STXBP5L: variants seen among roughly 807,000 people sequenced by gnomAD.
STXBP5L encodes the protein syntaxin binding protein 5L, also known as syntaxin-binding protein 5-like.
A neutral mutation model predicts 144.5 loss-of-function variants in STXBP5L; 65 were observed. The observed-to-expected ratio is 0.45, with a 90% confidence interval of 0.37 to 0.55. The LOEUF (loss-of-function observed/expected upper bound fraction) is 0.55. STXBP5L is among the 20% of genes least tolerant of loss of function. The pLI is 0.00. For synonymous variants in STXBP5L, 505 were observed against 469.6 expected (o/e 1.08, Z -0.97); for missense variants, 1,298 against 1,405.5 (o/e 0.92, Z 1.22).
chr3:120,980,156 G>T (rs1000740587), intron 3 of STXBP5L, among the ~76,000 whole-genome samples: 3 of 152,130 alleles, frequency 2.0e-5, no homozygotes, highest in African/African-American at 7.2e-5. Flanking sequence ...TATTTTGGGG[G>T]ATGTTTCATG....
chr3:121,051,175 A>G (rs1947956796), intron 5 of STXBP5L, among the ~76,000 whole-genome samples: 1 of 152,160 alleles, frequency 6.6e-6, no homozygotes, highest in African/African-American at 2.4e-5. Flanking sequence ...AGACAGATCA[A>G]CGAGACAGAA....
At chr3:121,204,685 A>G (rs1431771804) in intron 9 of STXBP5L, among the ~76,000 whole-genome samples, 1 of 152,214 alleles carries the variant, frequency 6.6e-6, no homozygotes, top group African/African-American at 2.4e-5. Flanking sequence ...TATGTAATAG[A>G]TAAACAACTG....
In STXBP5L at chr3:121,413,172, G is replaced by A. The variant is rs368291652; in HGVS notation, c.2963G>A (p.Arg988His). The change falls in exon 24 of 27, where the codon CGC becomes CAC. Residue 988 changes from arginine (R) to histidine (H), a missense_variant. By Grantham distance (29) the Arg-to-His change is conservative. Coordinates refer to ENST00000471454, the MANE Select transcript of STXBP5L (RefSeq NM_001308330.2). ...HIMIMSLPSL[R>H]PMLDVNYLPL... is the part of the protein sequence containing the mutation. ...TTTCCATTCAGCCTACCTAGTCTTC[G>A]CCCAATGTTGGATGTTAATTATTTG... is the stretch of plus-strand genomic sequence containing the variant. 5.6e-6 allele frequency: 9 copies of A among 1,594,988 alleles called. No individual in the cohort carries two copies. Among genetic ancestry groups the A allele is most frequent in the South Asian group, 4.6e-5 (4 of 86,980 alleles).
chr3:120,952,938 A>G (rs1711363562), intron 2 of STXBP5L, among the ~76,000 whole-genome samples: 3 of 151,910 alleles, frequency 2.0e-5, no homozygotes, highest in Admixed American at 1.3e-4. Context: ...ATCTGAGACT[A>G]TAGGCATGCA....
chr3:120,972,536 C>G (rs753569699), intron 3 of STXBP5L, among the ~76,000 whole-genome samples: 1 of 152,004 alleles, frequency 6.6e-6, no homozygotes, highest in Non-Finnish European at 1.5e-5. Flanking sequence ...TTGACTTTCT[C>G]TTTTCCAGTT....
chr3:121,280,016 A>G, intron 19 of STXBP5L, 60 bp downstream of exon 19: 1 of 1,559,884 alleles, frequency 6.4e-7, no homozygotes, highest in South Asian at 1.2e-5. Context: ...TCTTATTTTT[A>G]GATTTCTTGT....
At chr3:121,390,082 C>G (rs2046538240) in intron 22 of STXBP5L, among the ~76,000 whole-genome samples, 1 of 152,154 alleles carries the variant, frequency 6.6e-6, no homozygotes, top group Non-Finnish European at 1.5e-5. Flanking sequence ...ATATTGGGTT[C>G]ATATATATTT....
intron 3 of STXBP5L, among the ~76,000 whole-genome samples, chr3:120,979,345 C>T (rs1576554902): frequency 6.6e-6 from 1 of 152,340 alleles, no homozygotes. Flanking sequence ...ATAGGACCCT[C>T]CGAGCCAGGT....
intron 20 of STXBP5L, among the ~76,000 whole-genome samples, chr3:121,321,879 G>T (rs565948842): frequency 6.6e-6 from 1 of 152,034 alleles, no homozygotes; most frequent in East Asian, 1.9e-4. Context: ...AGATTCAGGG[G>T]TTACAAGTGG....
At chr3:121,280,311 C>G (rs1577357389) in intron 19 of STXBP5L, among the ~76,000 whole-genome samples, 1 of 151,932 alleles carries the variant, frequency 6.6e-6, no homozygotes, top group East Asian at 1.9e-4. Context: ...TTGTGTCAAA[C>G]AGGTTAACTT....
chr3:121,155,817 A>C (rs1444202381), intron 8 of STXBP5L, among the ~76,000 whole-genome samples: 2 of 151,890 alleles, frequency 1.3e-5, no homozygotes, highest in African/African-American at 4.8e-5. Context: ...GTACTGACTT[A>C]CTTTGGCTTT....
At chr3:121,083,215 A>C (rs992906537) in intron 5 of STXBP5L, among the ~76,000 whole-genome samples, 2 of 152,064 alleles carry the variant, frequency 1.3e-5, no homozygotes, top group Non-Finnish European at 2.9e-5. Flanking sequence ...CAACCAAAAA[A>C]ACAAAAAAAA....
intron 18 of STXBP5L, among the ~76,000 whole-genome samples, chr3:121,260,468 T>G (rs1473327429): frequency 1.3e-5 from 2 of 152,080 alleles, no homozygotes; most frequent in African/African-American, 4.8e-5. Context: ...AAAAAGTCCT[T>G]CCTCACTTCA....
In STXBP5L at chr3:121,205,935, G is replaced by A. The variant is rs1229142570; in HGVS notation, c.890G>A (p.Arg297Lys). ...TTTTTTTCTTTAGGAAAAAGTCAAA[G>A]AGAAGGAAGAAAATCTGAATCTTGT... ...QTTIPHGKSQREGRKSESCKP... is the reference protein window; with the variant it reads ...QTTIPHGKSQKEGRKSESCKP... The change falls in exon 10 of 27, where the codon AGA becomes AAA. Residue 297 changes from arginine to lysine, a missense_variant. Physicochemically the swap from Arg to Lys is conservative, Grantham distance 26. Transcript: ENST00000471454. 6.7e-7 allele frequency: 1 copy of A among 1,503,440 alleles called. No individual in the cohort carries two copies. The highest frequency in any genetic ancestry group is 8.9e-7 in the Non-Finnish European group (1 of 1,126,006). 93.1% of individuals were successfully genotyped at this position (1,503,440 alleles called of 1,614,324 possible).
At chr3:121,026,836 T>TA (rs1403170651) in intron 3 of STXBP5L, among the ~76,000 whole-genome samples, 1 of 151,736 alleles carries the variant, frequency 6.6e-6, no homozygotes, top group Non-Finnish European at 1.5e-5. Context: ...CCCTAAAACT[T>TA]AAAGTATTAT....
At chr3:121,341,032 T>C (rs1408719185) in intron 20 of STXBP5L, among the ~76,000 whole-genome samples, 6 of 152,058 alleles carry the variant, frequency 3.9e-5, no homozygotes, top group African/African-American at 2.4e-5. Context: ...GCTAAAAAGA[T>C]TCTGCAGAAG....
chr3:121,079,140 G>A (rs569810362), intron 5 of STXBP5L, among the ~76,000 whole-genome samples: 3 of 152,362 alleles, frequency 2.0e-5, no homozygotes, highest in Admixed American at 6.5e-5. Context: ...AAAGGTGGAG[G>A]AAAGTTTATT....
At chr3:121,254,445 T>C (rs1219765098) in intron 15 of STXBP5L, among the ~76,000 whole-genome samples, 5 of 152,272 alleles carry the variant, frequency 3.3e-5, no homozygotes, top group African/African-American at 1.2e-4. Flanking sequence ...AAAAATTTGT[T>C]GAGAGTAGTA....
At chr3:120,970,982 A>G (rs1043025075) in intron 3 of STXBP5L, among the ~76,000 whole-genome samples, 27 of 152,262 alleles carry the variant, frequency 1.8e-4, no homozygotes, top group African/African-American at 6.0e-4. Flanking sequence ...GAACACTTAC[A>G]GTGAGCACCA....
Sources: allele counts gnomAD v4.1 joint callset (sites outside exome capture counted in the v4.1 genomes callset), GRCh38; gene constraint gnomAD v4.1.1; transcripts MANE v1.5; gene names NCBI Gene and HGNC (gene_info 2026-07-23, HGNC 2026-07-21).